Variants in AOPEP observed in about 807,000 individuals in gnomAD.
AOPEP encodes the protein aminopeptidase O.
AOPEP carries 77 observed loss-of-function variants against 98.1 expected under a neutral mutation model. The ratio of observed to expected loss-of-function variants is 0.78; its 90% CI spans 0.65 to 0.95. The LOEUF is 0.95. Ranked by LOEUF, AOPEP falls within the 40% of genes least tolerant of loss-of-function variation. The pLI is 0.00. For missense variants in AOPEP, 1,024 were observed against 1,024.7 expected (o/e 1.00, Z 0.01); for synonymous variants, 346 against 365.3 (o/e 0.95, Z 0.60).
At chr9:94,938,030 C>T (rs1285155197) in intron 7 of AOPEP, among the ~76,000 whole-genome samples, 1 of 152,168 alleles carries the variant, frequency 6.6e-6, no homozygotes, top group Admixed American at 6.5e-5. Flanking sequence ...CATGCCACCA[C>T]ACCCAGATAA....
intron 9 of AOPEP, among the ~76,000 whole-genome samples, 198 bp downstream of exon 9, chr9:94,956,213 T>C (rs571433196): frequency 1.1e-4 from 17 of 152,360 alleles, no homozygotes; most frequent in African/African-American, 4.1e-4. Flanking sequence ...TGAAATAAAC[T>C]ATAACCCAAA....
chr9:94,793,971 A>G (rs1846343150), intron 4 of AOPEP, among the ~76,000 whole-genome samples: 1 of 152,196 alleles, frequency 6.6e-6, no homozygotes, highest in Non-Finnish European at 1.5e-5. Flanking sequence ...TTAGCGGTGC[A>G]CTGTAGGGAC....
intron 5 of AOPEP, among the ~76,000 whole-genome samples, chr9:94,880,676 C>G (rs2047481534): frequency 6.6e-6 from 1 of 152,112 alleles, no homozygotes; most frequent in Non-Finnish European, 1.5e-5. Flanking sequence ...CATAATGTGC[C>G]AAAATTGTGT....
Position 95,005,523 on chromosome 9 carries a change from T to C in AOPEP, c.2041-19T>C, listed in dbSNP as rs753633979. ...GACCCTGTCGCCTTCTTTGAAATGC[T>C]GTGGTTTTTGAACCTCAGGTCACGA... On this transcript the variant is annotated intron_variant, in intron 12 of 16. Transcript: ENST00000375315. The C allele has an allele frequency of 6.2e-6, 10 of 1,611,592 alleles. No individual in the cohort carries two copies. The highest frequency in any genetic ancestry group is 8.5e-6 in the Non-Finnish European group (10 of 1,177,834).
the AOPEP span, among the ~76,000 whole-genome samples, chr9:95,096,301 A>G: frequency 1.3e-5 from 2 of 152,168 alleles, no homozygotes; most frequent in African/African-American, 4.8e-5. Context: ...GGAGTGACAG[A>G]GGGCCAGCTT....
chr9:95,071,979 G>C (rs955836669), intron 14 of AOPEP, among the ~76,000 whole-genome samples: 1 of 152,158 alleles, frequency 6.6e-6, no homozygotes, highest in Admixed American at 6.5e-5. Flanking sequence ...TGGTGGAGTC[G>C]TGCTAAAGCT....
intron 15 of AOPEP, among the ~76,000 whole-genome samples, 197 bp from the exon 16 acceptor site, chr9:95,082,378 G>C (rs1432902397): frequency 1.3e-5 from 2 of 152,204 alleles, no homozygotes; most frequent in African/African-American, 4.8e-5. Context: ...TTGGGGTTTT[G>C]AGTACAAGGA....
In AOPEP at chr9:95,008,675, G is replaced by A. The variant is rs75329089; in HGVS notation, c.2115+3059G>A. On this transcript the variant is annotated intron_variant, in intron 13 of 16. Transcript: ENST00000375315. The stretch of plus-strand genomic sequence containing the variant: ...AGATGTACCATGCAGATAAAGTGAT[G>A]TAAAGTGCTCTGCCGGCCTTTCCCC... Among the ~76,000 whole-genome samples the A allele has an allele frequency of 4.6e-3, 692 of 151,342 alleles. 5 individuals are homozygous for A. Among genetic ancestry groups the A allele is most frequent in the Middle Eastern group, 0.034 (10 of 294 alleles).
At chr9:94,941,400 G>A (rs540007922) in intron 7 of AOPEP, among the ~76,000 whole-genome samples, 22 of 152,322 alleles carry the variant, frequency 1.4e-4, no homozygotes, top group South Asian at 8.3e-4. Context: ...TGTCTGTCTA[G>A]TGTTTTTATT....
chr9:94,758,622 T>C (rs952022021), intron 1 of AOPEP, among the ~76,000 whole-genome samples: 12 of 152,344 alleles, frequency 7.9e-5, no homozygotes, highest in Non-Finnish European at 1.6e-4. Context: ...CCTCCTGATA[T>C]TTAGAAATAC....
intron 13 of AOPEP, among the ~76,000 whole-genome samples, chr9:95,009,207 T>G (rs894618784): frequency 9.9e-5 from 15 of 152,038 alleles, no homozygotes; most frequent in African/African-American, 2.9e-4. Flanking sequence ...AATGCACTTT[T>G]TTTTCTTTTT....
At chr9:95,110,804 GC>G in the AOPEP span, 4 of 1,128,156 alleles carry the variant, frequency 3.5e-6, no homozygotes, top group Non-Finnish European at 4.4e-6. Context: ...AGGTGCCAAT[GC>G]CTTTAATCAA....
intron 7 of AOPEP, among the ~76,000 whole-genome samples, chr9:94,950,424 C>T (rs2058019843): frequency 6.6e-6 from 1 of 152,180 alleles, no homozygotes; most frequent in Admixed American, 6.5e-5. Context: ...CTGCATGGGG[C>T]TTATGTTCAA....
chr9:94,792,946 G>GAAA, intron 4 of AOPEP, 28 bp downstream of exon 4: 54 of 1,271,074 alleles, frequency 4.2e-5, no homozygotes, highest in South Asian at 1.1e-4. Flanking sequence ...TGCTGGGAAG[G>GAAA]AAAAAAAAAA....
chr9:95,021,642 CACAG>C (rs2063466819), intron 13 of AOPEP: 1 of 152,272 alleles, frequency 6.6e-6, no homozygotes, highest in Non-Finnish European at 1.5e-5. Context: ...TGCGCACACA[CACAG>C]AGAGTCTAAT....
At chr9:94,946,566 AT>A (rs1331867937) in intron 7 of AOPEP, among the ~76,000 whole-genome samples, 1 of 152,124 alleles carries the variant, frequency 6.6e-6, no homozygotes, top group Non-Finnish European at 1.5e-5. Context: ...CCCTTCTCAG[AT>A]TTGGCTGGAA....
At chr9:95,072,197 G>A (rs1001584707) in intron 14 of AOPEP, among the ~76,000 whole-genome samples, 4 of 152,190 alleles carry the variant, frequency 2.6e-5, no homozygotes, top group Non-Finnish European at 4.4e-5. Context: ...TGTAAATAAC[G>A]TTTTATCCAA....
intron 3 of AOPEP, among the ~76,000 whole-genome samples, chr9:94,788,641 C>T (rs1327623944): frequency 6.6e-6 from 1 of 152,146 alleles, no homozygotes; most frequent in Non-Finnish European, 1.5e-5. Flanking sequence ...GAGGGCTTGT[C>T]AACCATCAGC....
chr9:94,849,136 G>A (rs1473853017), intron 5 of AOPEP, among the ~76,000 whole-genome samples: 4 of 152,224 alleles, frequency 2.6e-5, no homozygotes, highest in African/African-American at 4.8e-5. Flanking sequence ...GGGGCAGGGG[G>A]TAGGAATAGT....
Sources: allele counts gnomAD v4.1 joint callset (sites outside exome capture counted in the v4.1 genomes callset), GRCh38; gene constraint gnomAD v4.1.1; transcripts MANE v1.5; gene names NCBI Gene and HGNC (gene_info 2026-07-23, HGNC 2026-07-21).